CST7: variants seen among roughly 807,000 people sequenced by gnomAD.
The protein encoded by CST7 is cystatin-F.
CST7 carries 15 observed loss-of-function variants against 13.1 expected under a neutral mutation model. That is an observed-to-expected ratio of 1.14 (90% CI 0.77 to 1.76). The LOEUF is 1.76. Among genes scored for constraint, CST7 ranks in the 40% most tolerant of loss-of-function variants. CST7 has a pLI of 0.00. For synonymous variants in CST7, 75 were observed against 66.9 expected, an observed-to-expected ratio of 1.12 and a Z score of -0.59; for missense variants, 193 against 178.8, an observed-to-expected ratio of 1.08 and a Z score of -0.45.
At position 24,957,417 on chromosome 20, in the gene CST7, G is replaced by C. The variant is rs143346162; in HGVS notation, c.201G>C (p.Met67Ile). ...AGTTCAACAACTGCACGAACGACATGTTCTTGTTCAAGGAGTCCCGCATCA... is the reference window on the plus strand; with the variant it reads ...AGTTCAACAACTGCACGAACGACATCTTCTTGTTCAAGGAGTCCCGCATCA... ...VEKFNNCTND[M>I]FLFKESRITR... The change falls in exon 2 of 4, where the codon ATG becomes ATC. Residue 67 changes from methionine to isoleucine, a missense_variant. Coordinates refer to ENST00000480798, the MANE Select transcript of CST7 (RefSeq NM_003650.4). 3.8e-5 allele frequency: 61 copies of C among 1,613,670 alleles called. No individual in the cohort carries two copies. In the African/African-American group the frequency reaches 7.2e-4, roughly 19 times the overall value.
chr20:24,952,864 G>A (rs2087828611), intron 1 of CST7, among the ~76,000 whole-genome samples: 1 of 152,218 alleles, frequency 6.6e-6, no homozygotes, highest in Admixed American at 6.5e-5. Context: ...GAAAGAGGGA[G>A]GAGGTGGGCA....
Position 24,959,907 on chromosome 20 carries a change from TC to T in CST7, c.*196del, listed in dbSNP as rs2087885342. On this transcript the variant is annotated 3_prime_UTR_variant, in exon 4 of 4. Transcript: ENST00000480798. ...AGCACCTCCTAACAGATTAAATAGA[TC>T]ACATTTGCTTCTAAAATTAACTCCT... The T allele has an allele frequency of 3.5e-6, 2 of 578,880 alleles. No individual in the cohort carries two copies. Among genetic ancestry groups the T allele is most frequent in the South Asian group, 4.1e-5 (2 of 48,454 alleles). The allele number at this position is 578,880 out of a possible 1,614,324, so 35.9% of individuals were successfully genotyped here.
At position 24,959,757 on chromosome 20, in the gene CST7, T is replaced by C; in HGVS notation, c.*45T>C. ...ACCACAGCCATGACAAACACCAGGA[T>C]GCATGCTCCTTGTCCCCTCCCACCC... On this transcript the variant is annotated 3_prime_UTR_variant, in exon 4 of 4. Coordinates refer to ENST00000480798, the MANE Select transcript of CST7 (RefSeq NM_003650.4). The C allele has an allele frequency of 1.3e-6, 2 of 1,571,832 alleles. No homozygotes were observed. Among genetic ancestry groups the C allele is most frequent in the Non-Finnish European group, 1.8e-6 (2 of 1,141,582 alleles).
intron 1 of CST7, among the ~76,000 whole-genome samples, chr20:24,951,838 A>T (rs2122443449): frequency 6.6e-6 from 1 of 152,276 alleles, no homozygotes; most frequent in African/African-American, 2.4e-5. Context: ...TTTCTTTCTC[A>T]ATCTGATGGG....
At chr20:24,952,009 A>G (rs1479983153) in intron 1 of CST7, among the ~76,000 whole-genome samples, 1 of 152,032 alleles carries the variant, frequency 6.6e-6, no homozygotes, top group Non-Finnish European at 1.5e-5. Flanking sequence ...TAGCAGAGAG[A>G]CCACTTGCAG....
intron 1 of CST7, among the ~76,000 whole-genome samples, chr20:24,954,921 T>G (rs567778336): frequency 6.6e-6 from 1 of 152,308 alleles, no homozygotes; most frequent in East Asian, 1.9e-4. Context: ...CTCCTCTGTA[T>G]TTTTCAAATT....
In CST7 at chr20:24,959,618, G is replaced by A. The variant is rs1012411538; in HGVS notation, c.361-17G>A. The A allele has an allele frequency of 5.6e-6, 9 of 1,613,660 alleles. No homozygotes were observed. Among genetic ancestry groups the A allele is most frequent in the Non-Finnish European group, 7.6e-6 (9 of 1,179,734 alleles). On this transcript the variant is annotated splice_polypyrimidine_tract_variant and intron_variant, in intron 3 of 3. Coordinates refer to ENST00000480798, the MANE Select transcript of CST7 (RefSeq NM_003650.4). ...AGGGAAAGTCTAAGCTCTCAGGTGT[G>A]CCCTTCTCTGTTTCAGACTCTGAGC...
At chr20:24,954,357 G>A (rs1355544660) in intron 1 of CST7, among the ~76,000 whole-genome samples, 1 of 152,192 alleles carries the variant, frequency 6.6e-6, no homozygotes, top group Non-Finnish European at 1.5e-5. Context: ...CAGTTGCACG[G>A]AGCAAACCCA....
chr20:24,951,767 G>A (rs562445088), intron 1 of CST7, among the ~76,000 whole-genome samples: 77 of 152,296 alleles, frequency 5.1e-4, no homozygotes, highest in African/African-American at 1.8e-3. Flanking sequence ...TCTCCTCCCT[G>A]AGGCTTTCAG....
intron 1 of CST7, among the ~76,000 whole-genome samples, chr20:24,951,034 G>C (rs1052331135): frequency 6.6e-5 from 10 of 152,206 alleles, no homozygotes; most frequent in Non-Finnish European, 1.3e-4. Context: ...GACTATAACA[G>C]GGTGGCGTGG....
At chr20:24,955,483 T>A (rs552403901) in intron 1 of CST7, among the ~76,000 whole-genome samples, 81 of 146,782 alleles carry the variant, frequency 5.5e-4, no homozygotes, top group African/African-American at 2.1e-3. Flanking sequence ...GGAGTCTCGC[T>A]CTGTTGCCCA....
chr20:24,956,131 C>T (rs959751432), intron 1 of CST7, among the ~76,000 whole-genome samples: 2 of 152,196 alleles, frequency 1.3e-5, no homozygotes, highest in East Asian at 1.9e-4. Context: ...CCACTCCCGG[C>T]GCTGCACCAC....
chr20:24,954,674 T>G (rs1007587172), intron 1 of CST7, among the ~76,000 whole-genome samples: 1 of 152,228 alleles, frequency 6.6e-6, no homozygotes, highest in African/African-American at 2.4e-5. Context: ...AACATGTAGT[T>G]AAATAAAAAA....
At chr20:24,950,060 G>T (rs1353168066) in intron 1 of CST7, among the ~76,000 whole-genome samples, 2 of 152,198 alleles carry the variant, frequency 1.3e-5, no homozygotes, top group African/African-American at 4.8e-5. Flanking sequence ...CAGCACTCAG[G>T]GGGAGGGGGG....
At chr20:24,954,643 C>T (rs1247376386) in intron 1 of CST7, among the ~76,000 whole-genome samples, 1 of 152,178 alleles carries the variant, frequency 6.6e-6, no homozygotes, top group Non-Finnish European at 1.5e-5. Flanking sequence ...GGTTTATTGA[C>T]TTGAAGCCTA....
chr20:24,950,230 G>A (rs750984093), intron 1 of CST7, among the ~76,000 whole-genome samples: 1 of 152,224 alleles, frequency 6.6e-6, no homozygotes, highest in African/African-American at 2.4e-5. Flanking sequence ...TACTGATGGG[G>A]ACTTGGGAGG....
intron 1 of CST7, 143 bp downstream of exon 1, chr20:24,949,718 G>A (rs1376197187): frequency 9.0e-7 from 1 of 1,112,492 alleles, no homozygotes; most frequent in Non-Finnish European, 1.3e-6. Flanking sequence ...GGAGTGGTGA[G>A]AGGGGCAAGG....
Position 24,949,590 on chromosome 20 carries a change from C to T in CST7, c.70+15C>T, listed in dbSNP as rs1350009443. 2.5e-6 allele frequency: 4 copies of T among 1,613,594 alleles called. No individual in the cohort carries two copies. In the Admixed American group the frequency reaches 5.0e-5, roughly 20 times the overall value. On this transcript the variant is annotated intron_variant, in intron 1 of 3. Transcript: ENST00000480798. ...CCCTTCCCCAGGTAAGTGGCGTTCT[C>T]CCCTGTCCGCTCCCCGGGGGTCTCT...
At chr20:24,957,499 T>C in intron 2 of CST7, 40 bp downstream of exon 2, 3 of 1,594,462 alleles carry the variant, frequency 1.9e-6, no homozygotes, top group Non-Finnish European at 2.6e-6. Flanking sequence ...CGGACACCCC[T>C]AGGAAGCCGA....
Sources: gnomAD v4.1 joint callset for allele counts (sites outside exome capture counted in the v4.1 genomes callset) on GRCh38, gnomAD v4.1.1 for gene constraint, MANE v1.5 for transcripts, NCBI Gene and HGNC (gene_info 2026-07-23, HGNC 2026-07-21) for gene names.